AP1B1: variants seen among roughly 807,000 people sequenced by gnomAD.
AP1B1 encodes the protein adaptor related protein complex 1 subunit beta 1.
A neutral mutation model predicts 104.3 loss-of-function variants in AP1B1; 36 were observed. That is an observed-to-expected ratio of 0.35 (90% CI 0.26 to 0.46). AP1B1 has a LOEUF of 0.46. AP1B1 is among the 20% of genes least tolerant of loss of function. The pLI, the probability that AP1B1 is intolerant of heterozygous loss-of-function variation, is 1.00. For synonymous variants in AP1B1, 504 were observed against 517.5 expected, an observed-to-expected ratio of 0.97 and a Z score of 0.35; for missense variants, 901 against 1,247.9, an observed-to-expected ratio of 0.72 and a Z score of 4.19.
At chr22:29,365,362 AT>A (rs1569162765) in intron 2 of AP1B1, among the ~76,000 whole-genome samples, 1 of 151,984 alleles carries the variant, frequency 6.6e-6, no homozygotes, top group African/African-American at 2.4e-5. Flanking sequence ...AATAAAAAAA[AT>A]AGCTGGGCAT....
At chr22:29,364,698 G>GCCA in intron 2 of AP1B1, among the ~76,000 whole-genome samples, 1 of 150,116 alleles carries the variant, frequency 6.7e-6, no homozygotes, top group African/African-American at 2.4e-5. Flanking sequence ...ACAGGCATGA[G>GCCA]CCACCACGCC....
Position 29,328,656 on chromosome 22 carries a change from G to T in AP1B1, c.*165C>A. The T allele has an allele frequency of 1.2e-6, 1 of 814,396 alleles. No individual in the cohort carries two copies. Among genetic ancestry groups the T allele is most frequent in the Non-Finnish European group, 1.9e-6 (1 of 529,700 alleles). 50.4% of individuals were successfully genotyped at this position (814,396 alleles called of 1,614,324 possible). A position where few individuals can be genotyped will look rare whatever the true frequency, so the allele number is the denominator to read the frequency against. The stretch of plus-strand genomic sequence containing the variant: ...TGCGCTCTCACCCCAGGAGGGGGTG[G>T]TGCCCTACCCCAGGGATCGGGTGGG... On this transcript the variant is annotated 3_prime_UTR_variant, in exon 23 of 23. Transcript: ENST00000357586. The surrounding 1 kb of genome is among the most constrained non-coding windows in gnomAD (Gnocchi z 4.1).
chr22:29,377,474 T>C (rs1328480911), intron 1 of AP1B1, among the ~76,000 whole-genome samples: 1 of 152,148 alleles, frequency 6.6e-6, no homozygotes, highest in Non-Finnish European at 1.5e-5. Context: ...TAATGGTAAA[T>C]GGATGTGCAC....
In AP1B1 at chr22:29,339,123, G is replaced by A; in HGVS notation, c.2030C>T (p.Thr677Ile). The change falls in exon 16 of 23, where the codon ACC (threonine) becomes ATC (isoleucine). Residue 677 changes from threonine (T) to isoleucine (I), a missense_variant. Coordinates refer to ENST00000357586, the MANE Select transcript of AP1B1 (RefSeq NM_001127.4). ...TGCTGTTGGAGGTGCCACGAAGTTGGTGCCCCCAATCTGGAAAGGGAGGGA... is the reference window on the plus strand; with the variant it reads ...TGCTGTTGGAGGTGCCACGAAGTTGATGCCCCCAATCTGGAAAGGGAGGGA... ...MGDEPEGIGG[T>I]NFVAPPTAAV... 1 of 1,614,180 alleles carries A rather than the reference G, an allele frequency of 6.2e-7. No individual in the cohort carries two copies. Among genetic ancestry groups the A allele is most frequent in the Non-Finnish European group, 8.5e-7 (1 of 1,180,042 alleles).
chr22:29,350,660 A>G (rs1308464940), intron 9 of AP1B1, among the ~76,000 whole-genome samples: 1 of 152,122 alleles, frequency 6.6e-6, no homozygotes, highest in African/African-American at 2.4e-5. Flanking sequence ...ATCCTAGGAC[A>G]CTGTAGCCAC....
intron 1 of AP1B1, among the ~76,000 whole-genome samples, chr22:29,386,171 C>G (rs1295826895): frequency 6.6e-6 from 1 of 152,108 alleles, no homozygotes; most frequent in African/African-American, 2.4e-5. Flanking sequence ...TCACACAAAC[C>G]AGGGGTAGAG....
chr22:29,358,872 G>C lies in AP1B1; in HGVS notation c.379C>G (p.Arg127Gly), dbSNP rs778075925. ...GGATCCTCGTCCTTCAGGCACTTCC[G>C]GAGTGGCTCGCACAGGTACTCTGTG... ...KITEYLCEPL[R>G]KCLKDEDPYV... Residue 127 changes from arginine (R) to glycine (G), a missense_variant, in exon 5 of 23, where the codon CGG (arginine) becomes GGG (glycine). Arg to Gly is a moderately radical substitution (Grantham distance 125). Transcript: ENST00000357586. The C allele has an allele frequency of 6.2e-7, 1 of 1,614,130 alleles. No homozygotes were observed. Among genetic ancestry groups the C allele is most frequent in the Non-Finnish European group, 8.5e-7 (1 of 1,180,014 alleles).
rs560433107 is a variant in AP1B1 at position 29,366,365 on chromosome 22, C to A, written c.37+842G>T. ...ATGAAAATACATGCCTGACCGGCCG[C>A]GGTGGCTCACGCCTGTAATCCCAGC... On this transcript the variant is annotated intron_variant, in intron 2 of 22. Coordinates refer to ENST00000357586, the MANE Select transcript of AP1B1 (RefSeq NM_001127.4). Among the ~76,000 whole-genome samples the A allele has an allele frequency of 4.6e-5, 7 of 152,276 alleles. No homozygotes were observed. The South Asian group carries it at 1.5e-3, about 32-fold the overall frequency.
chr22:29,347,555 T>G (rs1010435757), intron 11 of AP1B1, among the ~76,000 whole-genome samples: 1 of 152,170 alleles, frequency 6.6e-6, no homozygotes. Context: ...ACAACCCCAG[T>G]TGGGCAGCAA....
chr22:29,358,145 A>G (rs2061988730), intron 5 of AP1B1, among the ~76,000 whole-genome samples: 1 of 152,108 alleles, frequency 6.6e-6, no homozygotes, highest in African/African-American at 2.4e-5. Context: ...TTGTGCATTC[A>G]TTTTAAACAG....
rs1190492510 is a variant in AP1B1 at position 29,358,837 on chromosome 22, G to A, written c.414C>T (p.Arg138=). 6.2e-7 allele frequency: 1 copy of A among 1,614,236 alleles called. No homozygotes were observed. Among genetic ancestry groups the A allele is most frequent in the East Asian group, 2.2e-5 (1 of 44,884 alleles). Residue 138 remains arginine (R), a synonymous_variant, in exon 5 of 23, where the codon CGC becomes CGT. Coordinates refer to ENST00000357586, the MANE Select transcript of AP1B1 (RefSeq NM_001127.4). ...KCLKDEDPYV[R]KTAAVCVAKL... ...TGGCCACGCACACAGCTGCTGTCTT[G>A]CGCACATATGGATCCTCGTCCTTCA...
At chr22:29,339,222 A>AATCT in intron 15 of AP1B1, 89 bp from the exon 16 acceptor site, 1 of 1,502,886 alleles carries the variant, frequency 6.7e-7, no homozygotes, top group Non-Finnish European at 9.2e-7. Flanking sequence ...GGCTCTTTAG[A>AATCT]AGACACTGGG....
chr22:29,329,884 G>C (rs2061531362), intron 21 of AP1B1, 164 bp from the exon 22 acceptor site: 1 of 1,463,176 alleles, frequency 6.8e-7, no homozygotes, highest in African/African-American at 1.4e-5. Flanking sequence ...GAGACTCAGG[G>C]GTGTGGGGGA....
At chr22:29,359,606 A>T (rs1480336585) in intron 4 of AP1B1, 6 of 497,806 alleles carry the variant, frequency 1.2e-5, no homozygotes, top group Non-Finnish European at 2.1e-5. Context: ...CAGGCCTGGC[A>T]GGACCTCACA....
At chr22:29,352,310 C>A (rs1030433960) in intron 7 of AP1B1, among the ~76,000 whole-genome samples, 4 of 152,244 alleles carry the variant, frequency 2.6e-5, no homozygotes, top group Non-Finnish European at 5.9e-5. Context: ...AGGTATTTAA[C>A]TGTACCTAGA....
intron 6 of AP1B1, 34 bp downstream of exon 6, chr22:29,356,392 A>G: frequency 6.3e-7 from 1 of 1,586,086 alleles, no homozygotes; most frequent in African/African-American, 1.3e-5. Context: ...AGGGTCCTCA[A>G]GCTGGGCTGG....
chr22:29,330,441 C>T lies in AP1B1; in HGVS notation c.2703G>A (p.Lys901=), dbSNP rs2061539842. The part of the protein sequence containing the change: ...EGQDMLYQSL[K]LTNGIWVLAE... Reference sequence around the variant, plus strand: ...CCAGCACCCAGATGCCGTTGGTCAGCTTCAGGGACTGGTAGAGCATGTCCT... The same window carrying T: ...CCAGCACCCAGATGCCGTTGGTCAGTTTCAGGGACTGGTAGAGCATGTCCT... The change falls in exon 21 of 23, where the codon AAG becomes AAA. Residue 901 remains lysine, a synonymous_variant. Transcript: ENST00000357586. The T allele has an allele frequency of 1.9e-6, 3 of 1,613,950 alleles. No individual in the cohort carries two copies. The East Asian group carries it at 6.7e-5, about 36-fold the overall frequency.
chr22:29,342,430 G>T, intron 11 of AP1B1, 47 bp from the exon 12 acceptor site: 1 of 1,492,572 alleles, frequency 6.7e-7, no homozygotes, highest in Non-Finnish European at 9.3e-7. Flanking sequence ...CCTCACATGG[G>T]GATAGAGGGA....
Position 29,340,764 on chromosome 22 carries a change from AC to A in AP1B1, c.1889del (p.Gly630ValfsTer12). On this transcript the variant is annotated frameshift_variant, in exon 14 of 23. Transcript: ENST00000357586. LOFTEE classifies it high-confidence loss of function. ...DVIPAQGDLL[G>X]DLLNLDLGPP... is the part of the protein sequence containing the mutation. The stretch of plus-strand genomic sequence containing the variant: ...GGCCGAGGTCCAGGTTGAGGAGGTC[AC>A]CCAGCAGGTCGCCCTGGGCGGGGAT... The A allele has an allele frequency of 6.3e-7, 1 of 1,599,140 alleles. No individual in the cohort carries two copies. Among genetic ancestry groups the A allele is most frequent in the South Asian group, 1.1e-5 (1 of 87,646 alleles).
Sources: allele counts gnomAD v4.1 joint callset (sites outside exome capture counted in the v4.1 genomes callset), GRCh38; gene constraint gnomAD v4.1.1; non-coding constraint Gnocchi (gnomAD v3.1); transcripts MANE v1.5; gene names NCBI Gene and HGNC (gene_info 2026-07-23, HGNC 2026-07-21).